The following AGO2 variants were observed in gnomAD, a reference collection of about 807,000 sequenced individuals.
AGO2 encodes the protein protein argonaute-2.
A neutral mutation model predicts 102.3 loss-of-function variants in AGO2; 5 were observed. That is an observed-to-expected ratio of 0.05 (90% CI 0.03 to 0.10). AGO2 has a LOEUF of 0.10. AGO2 is among the 10% of genes least tolerant of loss of function. AGO2 has a pLI of 1.00. For missense variants in AGO2, 541 were observed against 1,183.7 expected, an observed-to-expected ratio of 0.46 and a Z score of 7.97; for synonymous variants, 449 against 473.1, an observed-to-expected ratio of 0.95 and a Z score of 0.66.
intron 1 of AGO2, among the ~76,000 whole-genome samples, chr8:140,595,837 TTG>T (rs1227751416): frequency 0.03 from 899 of 29,520 alleles, 20 homozygotes; most frequent in Non-Finnish European, 0.043. Flanking sequence ...TTATATACAA[TTG>T]TATATATTAT....
Position 140,543,244 on chromosome 8 carries a change from C to T in AGO2, c.1839+969G>A, listed in dbSNP as rs778475239. 1.2e-4 allele frequency among the ~76,000 whole-genome samples: 19 copies of T among 152,104 alleles called. No homozygotes were observed. In the East Asian group the frequency reaches 3.7e-3, roughly 29 times the overall value. The stretch of plus-strand genomic sequence containing the variant: ...TCAGCAAAGTGAGCAGCGGTATATG[C>T]GTGGGAGTGGTGGGGTTGTGATTAT... On this transcript the variant is annotated intron_variant, in intron 14 of 18. Coordinates refer to ENST00000220592, the MANE Select transcript of AGO2 (RefSeq NM_012154.5).
At chr8:140,586,888 G>C (rs1564101960) in intron 1 of AGO2, among the ~76,000 whole-genome samples, 1 of 152,150 alleles carries the variant, frequency 6.6e-6, no homozygotes, top group Admixed American at 6.5e-5. Context: ...GCTCCTCTCG[G>C]GGAGGAGAGT....
At chr8:140,546,048 G>A (rs916554497) in intron 13 of AGO2, among the ~76,000 whole-genome samples, 3 of 152,214 alleles carry the variant, frequency 2.0e-5, no homozygotes, top group African/African-American at 7.2e-5. Flanking sequence ...CCGGCCCGGT[G>A]CTGCCCACTT....
At chr8:140,608,873 G>A (rs1484327346) in intron 1 of AGO2, among the ~76,000 whole-genome samples, 1 of 152,226 alleles carries the variant, frequency 6.6e-6, no homozygotes, top group Non-Finnish European at 1.5e-5. Context: ...CGGGGTGATG[G>A]GGTACCCCTT....
In AGO2 at chr8:140,541,362, C is replaced by T. The variant is rs745378190; in HGVS notation, c.1840-4G>A. The T allele has an allele frequency of 6.9e-6, 11 of 1,595,256 alleles. No individual in the cohort carries two copies. The highest frequency in any genetic ancestry group is 9.4e-6 in the Non-Finnish European group (11 of 1,172,428). On this transcript the variant is annotated splice_region_variant and splice_polypyrimidine_tract_variant and intron_variant, in intron 14 of 18. Transcript: ENST00000220592. ...GGGCGTCCATGCTGCCCACCACCTG[C>T]AGGAACAGGCAGTGAGTGTGGTCAG...
chr8:140,555,091 T>C (rs540489648), intron 10 of AGO2, among the ~76,000 whole-genome samples: 34 of 152,296 alleles, frequency 2.2e-4, no homozygotes, highest in Middle Eastern at 3.4e-3. Context: ...AGGTAGAAAC[T>C]AGGGTGTAAA....
intron 14 of AGO2, among the ~76,000 whole-genome samples, chr8:140,543,764 AT>A (rs1238831749): frequency 6.6e-6 from 1 of 152,228 alleles, no homozygotes; most frequent in Non-Finnish European, 1.5e-5. Context: ...TTGTTTCCTC[AT>A]TTTACACCCA....
At chr8:140,580,394 A>G (rs1328473163) in intron 2 of AGO2, among the ~76,000 whole-genome samples, 1 of 152,224 alleles carries the variant, frequency 6.6e-6, no homozygotes, top group Non-Finnish European at 1.5e-5. Context: ...GGCATTGTAC[A>G]AGGTTTTGGG....
chr8:140,575,105 C>T (rs1353342776), intron 2 of AGO2, among the ~76,000 whole-genome samples: 1 of 152,094 alleles, frequency 6.6e-6, no homozygotes, highest in African/African-American at 2.4e-5. Flanking sequence ...TCTTTGAGGG[C>T]TCCACCAAGC....
At chr8:140,553,908 C>T (rs902719413) in intron 10 of AGO2, among the ~76,000 whole-genome samples, 8 of 151,024 alleles carry the variant, frequency 5.3e-5, no homozygotes, top group Non-Finnish European at 7.4e-5. Context: ...CCATGTTGAC[C>T]GGAGGCTGGT....
In AGO2 at chr8:140,589,274, G is replaced by A. The variant is rs1313600181; in HGVS notation, c.23-3963C>T. On this transcript the variant is annotated intron_variant, in intron 1 of 18. Coordinates refer to ENST00000220592, the MANE Select transcript of AGO2 (RefSeq NM_012154.5). The surrounding 1 kb of genome is among the most constrained non-coding windows in gnomAD (Gnocchi z 4.2). Reference sequence around the variant, plus strand: ...CCCGCAGACGTGTACCCTGAGGCGGGGAGAGCAGCTGCAGAAATTCAGAGT... The same window carrying A: ...CCCGCAGACGTGTACCCTGAGGCGGAGAGAGCAGCTGCAGAAATTCAGAGT... Among the ~76,000 whole-genome samples the A allele has an allele frequency of 6.6e-6, 1 of 152,188 alleles. No homozygotes were observed. The highest frequency in any genetic ancestry group is 6.5e-5 in the Admixed American group (1 of 15,284).
rs909476129 is a variant in AGO2, at chr8:140,526,752, A to G, written c.*5292T>C. ...ACTTTAGACAATAACATGGCAAAAC[A>G]TACTGAAAGAAGCATAAGCGAGGGC... On this transcript the variant is annotated 3_prime_UTR_variant, in exon 19 of 19. Transcript: ENST00000220592. The surrounding 1 kb of genome is among the most constrained non-coding windows in gnomAD (Gnocchi z 5.2). 1.3e-5 allele frequency: 2 copies of G among 152,182 alleles called. No homozygotes were observed. The highest frequency in any genetic ancestry group is 4.8e-5 in the African/African-American group (2 of 41,444). 9.4% of individuals were successfully genotyped at this position (152,182 alleles called of 1,614,324 possible). A position where few individuals can be genotyped will look rare whatever the true frequency, so the allele number is the denominator to read the frequency against.
At chr8:140,565,221 C>T (rs1277534609) in intron 3 of AGO2, among the ~76,000 whole-genome samples, 4 of 151,958 alleles carry the variant, frequency 2.6e-5, no homozygotes, top group Non-Finnish European at 4.4e-5. Context: ...GGGGGGATCA[C>T]GAGATCAGGA....
intron 2 of AGO2, among the ~76,000 whole-genome samples, chr8:140,580,402 G>C (rs891149756): frequency 2.6e-5 from 4 of 152,240 alleles, no homozygotes; most frequent in African/African-American, 9.6e-5. Flanking sequence ...ACAAGGTTTT[G>C]GGAACTCACG....
intron 6 of AGO2, among the ~76,000 whole-genome samples, 199 bp from the exon 7 acceptor site, chr8:140,558,771 G>A (rs764009166): frequency 6.6e-6 from 1 of 152,220 alleles, no homozygotes; most frequent in Non-Finnish European, 1.5e-5. Context: ...AGAGTACCAC[G>A]TGGTGGAGGG....
intron 1 of AGO2, among the ~76,000 whole-genome samples, chr8:140,624,145 C>A (rs1479988707): frequency 6.6e-6 from 1 of 152,144 alleles, no homozygotes; most frequent in African/African-American, 2.4e-5. Context: ...GCATGGGTGG[C>A]ACCCACTGTC....
intron 14 of AGO2, among the ~76,000 whole-genome samples, chr8:140,543,147 A>C (rs2072831331): frequency 6.6e-6 from 1 of 150,874 alleles, no homozygotes. Context: ...AACAAAACAA[A>C]ACAAAACAAA....
At position 140,549,316 on chromosome 8, in the gene AGO2, G is replaced by C; in HGVS notation, c.1404-18C>G. 1 of 1,572,182 alleles carries C rather than the reference G, an allele frequency of 6.4e-7. No homozygotes were observed. On this transcript the variant is annotated intron_variant, in intron 11 of 18. Transcript: ENST00000220592. ...TGAAGGACCTGCAGGAGAAGGCTCC[G>C]TTCACTACCGGGCACTGGGAATGGC...
chr8:140,578,616 A>C (rs2073503258), intron 2 of AGO2, among the ~76,000 whole-genome samples: 1 of 152,200 alleles, frequency 6.6e-6, no homozygotes, highest in Admixed American at 6.5e-5. Context: ...CCTCCCAAAA[A>C]AGATGACAGC....
Sources: allele counts gnomAD v4.1 joint callset (sites outside exome capture counted in the v4.1 genomes callset), GRCh38; gene constraint gnomAD v4.1.1; non-coding constraint Gnocchi (gnomAD v3.1); transcripts MANE v1.5; gene names NCBI Gene and HGNC (gene_info 2026-07-23, HGNC 2026-07-21).